COP1: variants seen among roughly 807,000 people sequenced by gnomAD.
COP1 encodes the protein E3 ubiquitin-protein ligase COP1.
Under a neutral mutation model 101.3 loss-of-function variants are expected in COP1, and 24 were observed. The ratio of observed to expected loss-of-function variants is 0.24; its 90% CI spans 0.17 to 0.33. The LOEUF (loss-of-function observed/expected upper bound fraction) is 0.33, where lower values mean the gene tolerates loss of function less well. COP1 is among the 10% of genes least tolerant of loss of function. The probability of loss-of-function intolerance (pLI) is 1.00; values close to 1 mark genes in which losing one functional copy is unlikely to be tolerated. For synonymous variants in COP1, 347 were observed against 341.9 expected (o/e 1.01, Z -0.17); for missense variants, 663 against 906.2 (o/e 0.73, Z 3.45).
intron 15 of COP1, among the ~76,000 whole-genome samples, chr1:176,022,770 A>G (rs1246700807): frequency 6.6e-6 from 1 of 152,206 alleles, no homozygotes; most frequent in Non-Finnish European, 1.5e-5. Context: ...CCTAACCTCA[A>G]TGTGCCCTCA....
At chr1:175,965,657 C>T (rs760810040) in intron 18 of COP1, among the ~76,000 whole-genome samples, 9 of 151,780 alleles carry the variant, frequency 5.9e-5, no homozygotes, top group Non-Finnish European at 1.2e-4. Flanking sequence ...GGTGCAGTCT[C>T]GGCTCACTGC....
intron 3 of COP1, among the ~76,000 whole-genome samples, chr1:176,171,559 A>C (rs1279116896): frequency 6.6e-6 from 1 of 152,172 alleles, no homozygotes. Flanking sequence ...TTTCCTTTGC[A>C]TTCACACCTT....
chr1:176,116,601 A>T, intron 9 of COP1, 23 bp downstream of exon 9: 1 of 1,574,772 alleles, frequency 6.4e-7, no homozygotes, highest in South Asian at 1.1e-5. Context: ...GGTATCATTA[A>T]AGCAAACAAA....
chr1:176,042,017 C>A (rs953022614), intron 14 of COP1, among the ~76,000 whole-genome samples: 2 of 152,020 alleles, frequency 1.3e-5, no homozygotes, highest in African/African-American at 4.8e-5. Context: ...GAGGCTGAGG[C>A]AAAAGAATCG....
At chr1:175,951,781 GAA>G (rs1571226236) in intron 18 of COP1, among the ~76,000 whole-genome samples, 1 of 151,274 alleles carries the variant, frequency 6.6e-6, no homozygotes, top group African/African-American at 2.4e-5. Context: ...AGCATGAGAG[GAA>G]AAAGAGATTA....
intron 1 of COP1, among the ~76,000 whole-genome samples, chr1:176,199,161 C>CAA (rs1700021029): frequency 2.0e-5 from 3 of 151,880 alleles, no homozygotes; most frequent in African/African-American, 2.4e-5. Flanking sequence ...ACTAAAAATA[C>CAA]AAAAAATTAG....
intron 9 of COP1, among the ~76,000 whole-genome samples, chr1:176,105,338 A>C (rs1443345595): frequency 6.6e-6 from 1 of 152,218 alleles, no homozygotes; most frequent in Non-Finnish European, 1.5e-5. Context: ...CTGTATTTCA[A>C]AGAAATATCA....
intron 1 of COP1, among the ~76,000 whole-genome samples, chr1:176,185,031 T>A: frequency 6.6e-6 from 1 of 152,176 alleles, no homozygotes; most frequent in Middle Eastern, 3.2e-3. Context: ...ACCATCGTTT[T>A]CCATCACATG....
chr1:176,146,735 A>G (rs867366455), intron 6 of COP1, among the ~76,000 whole-genome samples: 7 of 152,192 alleles, frequency 4.6e-5, no homozygotes, highest in Admixed American at 1.3e-4. Flanking sequence ...AAAATTCTAG[A>G]CTCAATATAT....
chr1:175,997,444 C>G (rs1413134416), intron 15 of COP1, among the ~76,000 whole-genome samples: 4 of 152,040 alleles, frequency 2.6e-5, no homozygotes, highest in Non-Finnish European at 5.9e-5. Context: ...AAGAAACTAC[C>G]ATCAGAGTGA....
intron 9 of COP1, among the ~76,000 whole-genome samples, chr1:176,102,354 T>G (rs1683565749): frequency 6.6e-6 from 1 of 152,226 alleles, no homozygotes; most frequent in Non-Finnish European, 1.5e-5. Flanking sequence ...GAGCCCAGTT[T>G]TAGCTGAACT....
intron 11 of COP1, among the ~76,000 whole-genome samples, chr1:176,050,285 G>A (rs1672315372): frequency 6.6e-6 from 1 of 152,168 alleles, no homozygotes; most frequent in Admixed American, 6.5e-5. Flanking sequence ...TAAGCAGCAA[G>A]GCAAGAAACT....
intron 11 of COP1, among the ~76,000 whole-genome samples, chr1:176,069,207 AG>A (rs1258807028): frequency 1.3e-5 from 2 of 152,186 alleles, no homozygotes; most frequent in East Asian, 1.9e-4. Context: ...AAAGAAAAGA[AG>A]AAAAGAAATT....
intron 11 of COP1, among the ~76,000 whole-genome samples, chr1:176,053,276 G>C (rs927587702): frequency 2.0e-5 from 3 of 152,024 alleles, no homozygotes; most frequent in African/African-American, 7.2e-5. Context: ...AAATAGGCCT[G>C]GAAGTAAATT....
At chr1:175,967,407 A>T (rs574249367) in intron 18 of COP1, among the ~76,000 whole-genome samples, 142 of 152,200 alleles carry the variant, frequency 9.3e-4, no homozygotes, top group African/African-American at 3.3e-3. Context: ...AATTGCTTGA[A>T]CCCAGGAGGC....
intron 11 of COP1, among the ~76,000 whole-genome samples, chr1:176,079,539 C>A (rs1040592580): frequency 9.2e-5 from 14 of 151,560 alleles, no homozygotes; most frequent in African/African-American, 3.4e-4. Flanking sequence ...TGTACCTATG[C>A]TCACTGTCTG....
chr1:176,087,437 G>A (rs897636628), intron 9 of COP1, among the ~76,000 whole-genome samples: 3 of 152,090 alleles, frequency 2.0e-5, no homozygotes, highest in African/African-American at 7.2e-5. Context: ...ATCAAAAAGT[G>A]GGAGAAGGGT....
At chr1:176,158,248 T>C (rs1307884104) in intron 5 of COP1, among the ~76,000 whole-genome samples, 1 of 152,150 alleles carries the variant, frequency 6.6e-6, no homozygotes, top group Admixed American at 6.5e-5. Context: ...TAGGAGACAG[T>C]GGAGCAACAT....
Position 176,075,812 on chromosome 1 carries a change from G to C in COP1, c.1277+5340C>G, listed in dbSNP as rs150051508. Among the ~76,000 whole-genome samples the C allele has an allele frequency of 1.8e-3, 272 of 152,040 alleles. 1 individual carries two copies. The highest frequency in any genetic ancestry group is 3.4e-3 in the Middle Eastern group (1 of 294). ...GAGGTCAGGAGTTCGAGACCAGCCT[G>C]GCCAACATAATGAAACCTAGTCTCT... On this transcript the variant is annotated intron_variant, in intron 11 of 19. Coordinates refer to ENST00000367669, the MANE Select transcript of COP1 (RefSeq NM_022457.7).
Sources: allele counts gnomAD v4.1 joint callset (sites outside exome capture counted in the v4.1 genomes callset), GRCh38; gene constraint gnomAD v4.1.1; transcripts MANE v1.5; gene names NCBI Gene and HGNC (gene_info 2026-07-23, HGNC 2026-07-21).